Variants in KCNA7 observed in about 807,000 individuals in gnomAD.
The protein encoded by KCNA7 is potassium channel, voltage gated shaker related subfamily A, member 7.
KCNA7 carries 15 observed loss-of-function variants against 21.5 expected under a neutral mutation model. The ratio of observed to expected loss-of-function variants is 0.70; its 90% CI spans 0.47 to 1.07. The LOEUF is 1.07. KCNA7 is among the 50% of genes least tolerant of loss of function. The pLI is 0.00. For missense variants in KCNA7, 640 were observed against 651.6 expected (o/e 0.98, Z 0.19); for synonymous variants, 298 against 291.0 (o/e 1.02, Z -0.24).
rs1220755136 is a variant in KCNA7 at position 49,070,930 on chromosome 19, G to A, written c.556-52C>T. 7 of 1,462,208 alleles carry A rather than the reference G, an allele frequency of 4.8e-6. No individual in the cohort carries two copies. Among genetic ancestry groups the A allele is most frequent in the Non-Finnish European group, 6.5e-6 (7 of 1,072,016 alleles). 90.6% of individuals were successfully genotyped at this position (1,462,208 alleles called of 1,614,324 possible). On this transcript the variant is annotated intron_variant, in intron 1 of 1. Transcript: ENST00000221444. The surrounding 1 kb of genome is among the most constrained non-coding windows in gnomAD (Gnocchi z 4.3). ...GGTCAGGCTGGGGCTAGGACACGGG[G>A]ACAGCCTTAATCATCATTTAAATAC...
Position 49,072,581 on chromosome 19 carries a change from T to C in KCNA7, c.5A>G (p.Glu2Gly). Reference protein sequence around the residue: MEPRCPPPCGCC... With the variant: MGPRCPPPCGCC... Reference sequence around the variant, plus strand: ...GCCGCACGGCGGCGGGCACCGCGGCTCCATGGCGCGCGCAGCCCCGGCGAC... The same window carrying C: ...GCCGCACGGCGGCGGGCACCGCGGCCCCATGGCGCGCGCAGCCCCGGCGAC... Residue 2 changes from glutamate (E) to glycine (G), a missense_variant, in exon 1 of 2, where the codon GAG becomes GGG. Glu to Gly is a moderately conservative substitution (Grantham distance 98, BLOSUM62 -2). Coordinates refer to ENST00000221444, the MANE Select transcript of KCNA7 (RefSeq NM_031886.3). 1 of 1,274,760 alleles carries C rather than the reference T, an allele frequency of 7.8e-7. No individual in the cohort carries two copies. 79.0% of individuals were successfully genotyped at this position (1,274,760 alleles called of 1,614,324 possible).
chr19:49,071,873 C>A (rs957923650), intron 1 of KCNA7, among the ~76,000 whole-genome samples, 158 bp downstream of exon 1: 1 of 152,224 alleles, frequency 6.6e-6, no homozygotes, highest in Non-Finnish European at 1.5e-5. Context: ...GCAGGTCCTC[C>A]GACCCGGATC....
In KCNA7 at chr19:49,070,141, C is replaced by T. The variant is rs747141982; in HGVS notation, c.1293G>A (p.Gly431=). Residue 431 remains glycine, a synonymous_variant, in exon 2 of 2, where the codon GGG becomes GGA. Transcript: ENST00000221444. The surrounding 1 kb of genome is among the most constrained non-coding windows in gnomAD (Gnocchi z 4.3). The stretch of plus-strand genomic sequence containing the variant: ...GCTCAGGTACCTCCCCGTCCACCAG[C>T]CCCCCATTGGCCTTGCCCTCCAGTG... The part of the protein sequence containing the change: ...CGPLEGKANG[G]LVDGEVPELP... 6 of 1,613,808 alleles carry T rather than the reference C, an allele frequency of 3.7e-6. No homozygotes were observed. The South Asian group carries it at 4.4e-5, about 12-fold the overall frequency.
chr19:49,072,531 C>T lies in KCNA7; in HGVS notation c.55G>A (p.Val19Met), dbSNP rs1433227576. The T allele has an allele frequency of 1.4e-6, 2 of 1,443,082 alleles. No individual in the cohort carries two copies. The highest frequency in any genetic ancestry group is 1.4e-5 in the South Asian group (1 of 73,150). 89.4% of individuals were successfully genotyped at this position (1,443,082 alleles called of 1,614,324 possible). The change falls in exon 1 of 2, where the codon GTG becomes ATG. Residue 19 changes from valine to methionine, a missense_variant. Val to Met is a conservative substitution (Grantham distance 21). Transcript: ENST00000221444. ...CGCCERLVLN[V>M]AGLRFETRAR... ...CGCGTCTCGAAGCGCAGCCCGGCCACGTTGAGCACCAGCCGCTCGCAGCAG... is the reference window on the plus strand; with the variant it reads ...CGCGTCTCGAAGCGCAGCCCGGCCATGTTGAGCACCAGCCGCTCGCAGCAG...
chr19:49,072,476 G>A lies in KCNA7; in HGVS notation c.110C>T (p.Thr37Ile). ...RARTLGRFPD[T>I]LLGDPARRGR... Reference sequence around the variant, plus strand: ...GCGGCGCGCTGGGTCCCCTAGCAGAGTGTCCGGGAAGCGGCCCAGCGTGCG... The same window carrying A: ...GCGGCGCGCTGGGTCCCCTAGCAGAATGTCCGGGAAGCGGCCCAGCGTGCG... Residue 37 changes from threonine (T) to isoleucine (I), a missense_variant, in exon 1 of 2, where the codon ACT (threonine) becomes ATT (isoleucine). Thr to Ile is a moderately conservative substitution (Grantham distance 89). Transcript: ENST00000221444. 1 of 1,554,550 alleles carries A rather than the reference G, an allele frequency of 6.4e-7. No individual in the cohort carries two copies. Among genetic ancestry groups the A allele is most frequent in the Non-Finnish European group, 8.6e-7 (1 of 1,160,732 alleles).
In KCNA7 at chr19:49,072,089, G is replaced by C. The variant is rs545142998; in HGVS notation, c.497C>G (p.Pro166Arg). ...SIVVFCLETL[P>R]DFRDDRDGTG... ...GCCGTCGCGGTCGTCGCGGAAGTCA[G>C]GCAGCGTCTCGAGGCAGAAGACGAC... is the stretch of plus-strand genomic sequence containing the variant. The change falls in exon 1 of 2, where the codon CCT (proline) becomes CGT (arginine). Residue 166 changes from proline (P) to arginine (R), a missense_variant. Transcript: ENST00000221444. The C allele has an allele frequency of 5.6e-6, 9 of 1,611,814 alleles. No homozygotes were observed. Among genetic ancestry groups the C allele is most frequent in the East Asian group, 4.5e-5 (2 of 44,840 alleles).
In KCNA7 at chr19:49,070,172, C is replaced by T. The variant is rs2040246252; in HGVS notation, c.1262G>A (p.Cys421Tyr). 5 of 1,614,228 alleles carry T rather than the reference C, an allele frequency of 3.1e-6. No individual in the cohort carries two copies. The highest frequency in any genetic ancestry group is 3.4e-6 in the Non-Finnish European group (4 of 1,180,040). Residue 421 changes from cysteine to tyrosine, a missense_variant, in exon 2 of 2, where the codon TGT becomes TAT. Transcript: ENST00000221444. The surrounding 1 kb of genome is among the most constrained non-coding windows in gnomAD (Gnocchi z 4.3). ...ATTGGCCTTGCCCTCCAGTGGGCCA[C>T]AAGGCTGCATGTCCACATGGCTGAA... ...GMFSHVDMQP[C>Y]GPLEGKANGG...
At position 49,068,039 on chromosome 19, in the gene KCNA7, A is replaced by G. The variant is rs1187555904; in HGVS notation, c.*2024T>C. The G allele has an allele frequency of 3.3e-5, 5 of 151,866 alleles. No homozygotes were observed. The highest frequency in any genetic ancestry group is 1.2e-4 in the African/African-American group (5 of 41,364). 9.4% of individuals were successfully genotyped at this position (151,866 alleles called of 1,614,324 possible). On this transcript the variant is annotated 3_prime_UTR_variant, in exon 2 of 2. Transcript: ENST00000221444. ...CTCAGCCTCCCGAGTAGCTGGGACT[A>G]CAGGTGCCCGCCACCGCACCCGGCT...
intron 1 of KCNA7, 77 bp downstream of exon 1, chr19:49,071,954 G>T: frequency 6.1e-6 from 6 of 976,938 alleles, no homozygotes; most frequent in Non-Finnish European, 6.8e-6. Flanking sequence ...CCCGCCTTAT[G>T]ATTGGCCAGG....
At position 49,070,692 on chromosome 19, in the gene KCNA7, C is replaced by T. The variant is rs773489803; in HGVS notation, c.742G>A (p.Val248Met). Residue 248 changes from valine to methionine, a missense_variant, in exon 2 of 2, where the codon GTG becomes ATG. By Grantham distance (21) the Val-to-Met change is conservative. Transcript: ENST00000221444. The surrounding 1 kb of genome is among the most constrained non-coding windows in gnomAD (Gnocchi z 4.3). ...GCCACAAAGTAGGGAAGGATAGCCA[C>T]AAAATCGATGAGGTTCATCACGTTC... ...FKNVMNLIDF[V>M]AILPYFVALG... 3.1e-6 allele frequency: 5 copies of T among 1,614,210 alleles called. No individual in the cohort carries two copies. Among genetic ancestry groups the T allele is most frequent in the Non-Finnish European group, 4.2e-6 (5 of 1,180,040 alleles).
Position 49,072,686 on chromosome 19 carries a change from C to G in KCNA7, c.-101G>C. The stretch of plus-strand genomic sequence containing the variant: ...CGCCTCGGCCGCCGCCGCCGCCGCC[C>G]CAGCCCGGTGTCCGGTGTCCGGTGT... On this transcript the variant is annotated 5_prime_UTR_variant, in exon 1 of 2. Coordinates refer to ENST00000221444, the MANE Select transcript of KCNA7 (RefSeq NM_031886.3). 5 of 837,400 alleles carry G rather than the reference C, an allele frequency of 6.0e-6. No homozygotes were observed. The highest frequency in any genetic ancestry group is 7.2e-6 in the Non-Finnish European group (5 of 697,964). 51.9% of individuals were successfully genotyped at this position (837,400 alleles called of 1,614,324 possible). A position where few individuals can be genotyped will look rare whatever the true frequency, so the allele number is the denominator to read the frequency against.
In KCNA7 at chr19:49,070,427, T is replaced by A; in HGVS notation, c.1007A>T (p.Asp336Val). The A allele has an allele frequency of 6.2e-7, 1 of 1,614,024 alleles. No individual in the cohort carries two copies. Among genetic ancestry groups the A allele is most frequent in the Non-Finnish European group, 8.5e-7 (1 of 1,180,026 alleles). ...FSSAVYFAEV[D>V]RVDSHFTSIP... ...GCTAGTGAAATGGGAGTCCACCCGG[T>A]CAACTTCGGCAAAGTAGACGGCGCT... Residue 336 changes from aspartate (D) to valine (V), a missense_variant, in exon 2 of 2, where the codon GAC becomes GTC. Coordinates refer to ENST00000221444, the MANE Select transcript of KCNA7 (RefSeq NM_031886.3). The surrounding 1 kb of genome is among the most constrained non-coding windows in gnomAD (Gnocchi z 4.3).
Position 49,072,369 on chromosome 19 carries a change from G to C in KCNA7, c.217C>G (p.Gln73Glu). The C allele has an allele frequency of 6.3e-7, 1 of 1,593,638 alleles. No individual in the cohort carries two copies. Among genetic ancestry groups the C allele is most frequent in the Non-Finnish European group, 8.5e-7 (1 of 1,175,032 alleles). ...PSFDAVLYYY[Q>E]SGGRLRRPAH... ...GGCCGCCGCAGCCGCCCACCGGACT[G>C]GTAGTAGTAGAGCACGGCGTCGAAG... is the stretch of plus-strand genomic sequence containing the variant. The change falls in exon 1 of 2, where the codon CAG becomes GAG. Residue 73 changes from glutamine (Q) to glutamate (E), a missense_variant. Transcript: ENST00000221444.
rs562676760 is a variant in KCNA7, at chr19:49,069,126, T to C, written c.*937A>G. 6.6e-6 allele frequency: 1 copy of C among 152,436 alleles called. No individual in the cohort carries two copies. The highest frequency in any genetic ancestry group is 1.9e-4 in the East Asian group (1 of 5,182). 9.4% of individuals were successfully genotyped at this position (152,436 alleles called of 1,614,324 possible). ...TGATGCTTCCCCACTGCTATTTCCTTTGGGTCCTGGTGCTACCACTAAATG... is the reference window on the plus strand; with the variant it reads ...TGATGCTTCCCCACTGCTATTTCCTCTGGGTCCTGGTGCTACCACTAAATG... On this transcript the variant is annotated 3_prime_UTR_variant, in exon 2 of 2. Coordinates refer to ENST00000221444, the MANE Select transcript of KCNA7 (RefSeq NM_031886.3).
rs1369689490 is a variant in KCNA7 at position 49,069,984 on chromosome 19, C to T, written c.*79G>A. On this transcript the variant is annotated 3_prime_UTR_variant, in exon 2 of 2. Coordinates refer to ENST00000221444, the MANE Select transcript of KCNA7 (RefSeq NM_031886.3). ...TAGCTCTTCCTAAACCCAATCCCCT[C>T]CCCCCAGCCTTGCCCTCCACCCTGC... The T allele has an allele frequency of 2.7e-6, 3 of 1,126,480 alleles. No homozygotes were observed. The highest frequency in any genetic ancestry group is 3.1e-5 in the African/African-American group (2 of 63,806). The allele number at this position is 1,126,480 out of a possible 1,614,324, so 69.8% of individuals were successfully genotyped here. A position where few individuals can be genotyped will look rare whatever the true frequency, so the allele number is the denominator to read the frequency against.
At chr19:49,071,367 C>G (rs528846497) in intron 1 of KCNA7, among the ~76,000 whole-genome samples, 9 of 152,156 alleles carry the variant, frequency 5.9e-5, no homozygotes, top group Non-Finnish European at 1.0e-4. Flanking sequence ...ACCATCCTGG[C>G]CAACACGGTG....
chr19:49,070,050 C>T lies in KCNA7; in HGVS notation c.*13G>A. 1.9e-6 allele frequency: 3 copies of T among 1,584,882 alleles called. No homozygotes were observed. The highest frequency in any genetic ancestry group is 2.6e-6 in the Non-Finnish European group (3 of 1,161,786). ...CTAGGGAGGTGTGAGGTCCTGCAGA[C>T]CTCAACTGTTCCTCACACTTCGGTG... On this transcript the variant is annotated 3_prime_UTR_variant, in exon 2 of 2. Coordinates refer to ENST00000221444, the MANE Select transcript of KCNA7 (RefSeq NM_031886.3). This position sits in a 1 kb window ranked among gnomAD's most constrained non-coding sequence, Gnocchi z 4.3.
Position 49,072,129 on chromosome 19 carries a change from T to C in KCNA7, c.457A>G (p.Ile153Val), listed in dbSNP as rs2040262987. ...RVLAVVSVLVILVSIVVFCLE... is the reference protein window; with the variant it reads ...RVLAVVSVLVVLVSIVVFCLE... ...CAGAAGACGACGATGGAGACGAGGA[T>C]GACCAGCACGGAGACTACGGCGAGC... Residue 153 changes from isoleucine (I) to valine (V), a missense_variant, in exon 1 of 2, where the codon ATC (isoleucine) becomes GTC (valine). Ile to Val is a conservative substitution (Grantham distance 29). Coordinates refer to ENST00000221444, the MANE Select transcript of KCNA7 (RefSeq NM_031886.3). 1 of 1,612,398 alleles carries C rather than the reference T, an allele frequency of 6.2e-7. No individual in the cohort carries two copies. The highest frequency in any genetic ancestry group is 1.3e-5 in the African/African-American group (1 of 75,008).
chr19:49,069,837 A>C lies in KCNA7; in HGVS notation c.*226T>G. The stretch of plus-strand genomic sequence containing the variant: ...AGTAATATGAACCAATTGAGTCTTC[A>C]TTAACACAACACAACCCATTGCCAT... On this transcript the variant is annotated 3_prime_UTR_variant, in exon 2 of 2. Transcript: ENST00000221444. 1 of 556,942 alleles carries C rather than the reference A, an allele frequency of 1.8e-6. No individual in the cohort carries two copies. The highest frequency in any genetic ancestry group is 3.2e-6 in the Non-Finnish European group (1 of 313,868). The allele number at this position is 556,942 out of a possible 1,614,324, so 34.5% of individuals were successfully genotyped here.
Sources: gnomAD v4.1 joint callset for allele counts (sites outside exome capture counted in the v4.1 genomes callset) on GRCh38, gnomAD v4.1.1 for gene constraint, Gnocchi (gnomAD v3.1) non-coding constraint, MANE v1.5 for transcripts, NCBI Gene and HGNC (gene_info 2026-07-23, HGNC 2026-07-21) for gene names.